Variants in MSRA observed in about 807,000 individuals in gnomAD.
MSRA encodes methionine sulfoxide reductase A, also known as mitochondrial peptide methionine sulfoxide reductase.
MSRA carries 54 observed loss-of-function variants against 31.3 expected under a neutral mutation model. That is an observed-to-expected ratio of 1.73 (90% CI 1.39 to 2.17). The LOEUF (loss-of-function observed/expected upper bound fraction) is 2.17. MSRA is among the 30% of genes most tolerant of loss of function. The pLI, the probability that MSRA is intolerant of heterozygous loss-of-function variation, is 0.00. For missense variants in MSRA, 507 were observed against 300.9 expected, an observed-to-expected ratio of 1.69 and a Z score of -5.07; for synonymous variants, 169 against 116.5, an observed-to-expected ratio of 1.45 and a Z score of -2.90.
chr8:10,245,885 G>A (rs1797598584), intron 3 of MSRA, among the ~76,000 whole-genome samples: 2 of 152,240 alleles, frequency 1.3e-5, no homozygotes, highest in South Asian at 4.1e-4. Context: ...AAGGATATAG[G>A]AGGTATCAAG....
At chr8:10,174,977 C>T (rs915294337) in intron 1 of MSRA, among the ~76,000 whole-genome samples, 3 of 152,202 alleles carry the variant, frequency 2.0e-5, no homozygotes, top group Non-Finnish European at 4.4e-5. Context: ...TCCACACAGC[C>T]ATCACTTCTG....
chr8:10,205,342 G>A (rs1397727784), intron 1 of MSRA, among the ~76,000 whole-genome samples: 1 of 152,126 alleles, frequency 6.6e-6, no homozygotes, highest in East Asian at 1.9e-4. Context: ...GAGGGGGACA[G>A]TCGCTGGCTG....
chr8:10,143,299 G>A (rs1207088201), intron 1 of MSRA, among the ~76,000 whole-genome samples: 4 of 152,060 alleles, frequency 2.6e-5, no homozygotes, highest in East Asian at 1.9e-4. Context: ...GCTGATACCC[G>A]TTGAAAGTAA....
At chr8:10,130,069 A>C (rs1470049180) in intron 1 of MSRA, among the ~76,000 whole-genome samples, 1 of 152,182 alleles carries the variant, frequency 6.6e-6, no homozygotes, top group Non-Finnish European at 1.5e-5. Flanking sequence ...TGGGATGTTG[A>C]AGGGGCATTT....
intron 1 of MSRA, among the ~76,000 whole-genome samples, chr8:10,075,833 T>A (rs967635772): frequency 2.0e-5 from 3 of 152,234 alleles, no homozygotes; most frequent in Non-Finnish European, 4.4e-5. Context: ...TTTTCTCCCA[T>A]GGGTACCACT....
At chr8:10,351,227 T>G (rs1273758450) in intron 5 of MSRA, among the ~76,000 whole-genome samples, 1 of 151,748 alleles carries the variant, frequency 6.6e-6, no homozygotes, top group Non-Finnish European at 1.5e-5. Flanking sequence ...ATGATGGTTG[T>G]TTTTGCTCTG....
At chr8:10,088,688 A>T (rs1798694688) in intron 1 of MSRA, among the ~76,000 whole-genome samples, 2 of 152,104 alleles carry the variant, frequency 1.3e-5, no homozygotes, top group Non-Finnish European at 2.9e-5. Context: ...GTGAGCTGAG[A>T]TCACACCACT....
intron 1 of MSRA, among the ~76,000 whole-genome samples, chr8:10,188,215 A>C (rs1365885030): frequency 6.6e-6 from 1 of 152,194 alleles, no homozygotes; most frequent in Non-Finnish European, 1.5e-5. Context: ...AATACTTTTA[A>C]ATACAGATCT....
At chr8:10,102,829 G>T (rs770923577) in intron 1 of MSRA, among the ~76,000 whole-genome samples, 8 of 152,156 alleles carry the variant, frequency 5.3e-5, no homozygotes, top group Non-Finnish European at 1.0e-4. Flanking sequence ...GTAGGTGAGG[G>T]TGAAATTCAG....
intron 1 of MSRA, among the ~76,000 whole-genome samples, chr8:10,120,976 G>A (rs755958358): frequency 2.0e-5 from 3 of 152,178 alleles, no homozygotes; most frequent in Non-Finnish European, 4.4e-5. Context: ...AAGTGAACCA[G>A]TGAAATATAG....
intron 5 of MSRA, among the ~76,000 whole-genome samples, chr8:10,395,982 T>C (rs1415521535): frequency 6.6e-6 from 1 of 152,200 alleles, no homozygotes; most frequent in Non-Finnish European, 1.5e-5. Context: ...GTGGGCAGTC[T>C]CTTGTCTAAC....
intron 2 of MSRA, among the ~76,000 whole-genome samples, chr8:10,244,868 C>T (rs1259777870): frequency 2.0e-5 from 3 of 152,032 alleles, no homozygotes; most frequent in Non-Finnish European, 4.4e-5. Flanking sequence ...TTGAGGCCTT[C>T]TAAGTTTTTG....
At chr8:10,176,501 T>C (rs1391574011) in intron 1 of MSRA, among the ~76,000 whole-genome samples, 1 of 152,226 alleles carries the variant, frequency 6.6e-6, no homozygotes, top group Non-Finnish European at 1.5e-5. Flanking sequence ...AGTCAGGAGC[T>C]CCTTTGTTTC....
At chr8:10,379,423 C>T (rs1237167003) in intron 5 of MSRA, among the ~76,000 whole-genome samples, 1 of 152,226 alleles carries the variant, frequency 6.6e-6, no homozygotes, top group Non-Finnish European at 1.5e-5. Context: ...TCATTTCACT[C>T]GCAGGTGGCG....
At chr8:10,421,774 G>A (rs1808826527) in intron 5 of MSRA, among the ~76,000 whole-genome samples, 1 of 152,150 alleles carries the variant, frequency 6.6e-6, no homozygotes, top group Admixed American at 6.5e-5. Context: ...CCGAGCTGAG[G>A]TGGATGAGGC....
intron 1 of MSRA, among the ~76,000 whole-genome samples, chr8:10,142,835 T>C (rs936348963): frequency 1.3e-5 from 2 of 152,244 alleles, no homozygotes; most frequent in Admixed American, 6.5e-5. Context: ...GATTCACTTA[T>C]TGCCTGGTTT....
At chr8:10,276,370 T>G (rs1799322902) in intron 3 of MSRA, among the ~76,000 whole-genome samples, 1 of 152,164 alleles carries the variant, frequency 6.6e-6, no homozygotes, top group Non-Finnish European at 1.5e-5. Context: ...TTCTTGCAAT[T>G]TCCTTTGTCT....
At chr8:10,267,570 A>G (rs537690061) in intron 3 of MSRA, among the ~76,000 whole-genome samples, 9 of 152,148 alleles carry the variant, frequency 5.9e-5, no homozygotes, top group East Asian at 5.8e-4. Context: ...GGGAATTACT[A>G]TGGGTCCTAG....
chr8:10,172,361 G>A (rs181472611), intron 1 of MSRA, among the ~76,000 whole-genome samples: 1 of 152,132 alleles, frequency 6.6e-6, no homozygotes, highest in African/African-American at 2.4e-5. Flanking sequence ...GGGACTGGTA[G>A]GAAGGACATG....
Sources: allele counts gnomAD v4.1 joint callset (sites outside exome capture counted in the v4.1 genomes callset), GRCh38; gene constraint gnomAD v4.1.1; transcripts MANE v1.5; gene names NCBI Gene and HGNC (gene_info 2026-07-23, HGNC 2026-07-21).